HEBP1: variants seen among roughly 807,000 people sequenced by gnomAD.
The protein encoded by HEBP1 is heme-binding protein 1.
In HEBP1, 13 loss-of-function variants were observed where a neutral mutation model predicts 20.4. The observed-to-expected ratio is 0.64, with a 90% CI of 0.42 to 1.01. The LOEUF (loss-of-function observed/expected upper bound fraction) is 1.01, where lower values mean the gene tolerates loss of function less well. HEBP1 is among the 50% of genes least tolerant of loss of function. The pLI, the probability that HEBP1 is intolerant of heterozygous loss-of-function variation, is 0.00. For missense variants in HEBP1, 241 were observed against 247.3 expected (o/e 0.97, Z 0.17); for synonymous variants, 92 against 90.7 (o/e 1.01, Z -0.08).
intron 1 of HEBP1, among the ~76,000 whole-genome samples, chr12:12,997,273 T>G (rs1346301751): frequency 6.6e-6 from 1 of 151,278 alleles, no homozygotes; most frequent in African/African-American, 2.4e-5. Flanking sequence ...TCAATAAGAG[T>G]CAAACAGGAA....
Position 13,000,230 on chromosome 12 carries a change from C to CAGGGCGGCAGGGCGGA in HEBP1, c.-117_-116insTCCGCCCTGCCGCCCT. ...GCAGGGCGGCAGGGCGGCAGGGCGGCAGGGTGGCAGGGCGGCAAGGCGGCG... is the reference window on the plus strand; with the variant it reads ...GCAGGGCGGCAGGGCGGCAGGGCGGCAGGGCGGCAGGGCGGAAGGGTGGCAGGGCGGCAAGGCGGCG... On this transcript the variant is annotated 5_prime_UTR_variant, in exon 1 of 4. Transcript: ENST00000014930. 5.2e-6 allele frequency: 2 copies of CAGGGCGGCAGGGCGGA among 384,066 alleles called. No homozygotes were observed. The highest frequency in any genetic ancestry group is 2.1e-5 in the African/African-American group (1 of 46,814). 23.8% of individuals were successfully genotyped at this position (384,066 alleles called of 1,614,324 possible). A position where few individuals can be genotyped will look rare whatever the true frequency, so the allele number is the denominator to read the frequency against.
At chr12:12,975,837 C>CTTCA (rs1380031658) in intron 3 of HEBP1, among the ~76,000 whole-genome samples, 2 of 152,096 alleles carry the variant, frequency 1.3e-5, no homozygotes, top group African/African-American at 4.8e-5. Context: ...AAGGCCAAGC[C>CTTCA]TTCACCCTTT....
intron 3 of HEBP1, among the ~76,000 whole-genome samples, chr12:12,977,246 A>G (rs1864001940): frequency 6.6e-6 from 1 of 152,218 alleles, no homozygotes. Flanking sequence ...TCAATCTTCG[A>G]AGGCTACTGT....
chr12:12,979,685 A>G (rs1348676422), intron 3 of HEBP1: 1 of 152,236 alleles, frequency 6.6e-6, no homozygotes, highest in Non-Finnish European at 1.5e-5. Context: ...TGAAGTCTAT[A>G]CATTATCTTT....
intron 1 of HEBP1, among the ~76,000 whole-genome samples, chr12:12,992,533 A>C (rs985797553): frequency 6.6e-6 from 1 of 152,134 alleles, no homozygotes; most frequent in African/African-American, 2.4e-5. Context: ...CCTGAGTGCC[A>C]AGTTTGTACT....
intron 3 of HEBP1, among the ~76,000 whole-genome samples, chr12:12,982,303 T>A (rs531948277): frequency 6.6e-6 from 1 of 152,094 alleles, no homozygotes; most frequent in Non-Finnish European, 1.5e-5. Flanking sequence ...AAGGACAGGG[T>A]GCTATTTTCA....
chr12:12,994,105 C>T (rs1864263152), intron 1 of HEBP1, among the ~76,000 whole-genome samples: 1 of 152,172 alleles, frequency 6.6e-6, no homozygotes. Flanking sequence ...GAGTATTACA[C>T]AAATTATTGT....
chr12:12,975,172 G>A lies in HEBP1; in HGVS notation c.*136C>T. 6.8e-6 allele frequency: 5 copies of A among 734,820 alleles called. No homozygotes were observed. Among genetic ancestry groups the A allele is most frequent in the Non-Finnish European group, 1.1e-5 (5 of 437,842 alleles). 45.5% of individuals were successfully genotyped at this position (734,820 alleles called of 1,614,324 possible). On this transcript the variant is annotated 3_prime_UTR_variant, in exon 4 of 4. Transcript: ENST00000014930. ...TGGAACATGCTTTTTTCAGAAAATT[G>A]GCAGTAACTGACTTTGAAGGAAAGT...
rs1171653946 is a variant in HEBP1, at chr12:12,975,536, G to A, written c.399-57C>T. 14 of 1,476,154 alleles carry A rather than the reference G, an allele frequency of 9.5e-6. No individual in the cohort carries two copies. The East Asian group carries it at 1.2e-4, about 13-fold the overall frequency. The allele number at this position is 1,476,154 out of a possible 1,614,324, so 91.4% of individuals were successfully genotyped here. A position where few individuals can be genotyped will look rare whatever the true frequency, so the allele number is the denominator to read the frequency against. On this transcript the variant is annotated intron_variant, in intron 3 of 3. Transcript: ENST00000014930. The stretch of plus-strand genomic sequence containing the variant: ...AAGGACATGACCTCTGAGAGAGGGG[G>A]GATCTTTAGAAAAAAGTCACTCACC...
At chr12:12,992,733 T>C (rs1295674087) in intron 1 of HEBP1, among the ~76,000 whole-genome samples, 1 of 152,194 alleles carries the variant, frequency 6.6e-6, no homozygotes, top group Non-Finnish European at 1.5e-5. Context: ...GGTGTTTTGC[T>C]CTTTCTGTTG....
At chr12:12,999,832 C>T (rs772922309) in intron 1 of HEBP1, among the ~76,000 whole-genome samples, 2 of 152,274 alleles carry the variant, frequency 1.3e-5, no homozygotes, top group Non-Finnish European at 2.9e-5. Flanking sequence ...CCTCCTCTCA[C>T]CACCGGCTGC....
intron 1 of HEBP1, among the ~76,000 whole-genome samples, chr12:12,990,409 C>G (rs1864207971): frequency 6.6e-6 from 1 of 151,132 alleles, no homozygotes. Flanking sequence ...AACTCCTGGG[C>G]TCAAGCAATC....
chr12:12,985,413 G>T (rs1378264826), intron 3 of HEBP1, among the ~76,000 whole-genome samples: 1 of 151,952 alleles, frequency 6.6e-6, no homozygotes, highest in Non-Finnish European at 1.5e-5. Context: ...GTAGGGGATG[G>T]GCACATATGA....
chr12:12,985,688 A>C (rs1405265614), intron 3 of HEBP1: 1 of 152,108 alleles, frequency 6.6e-6, no homozygotes, highest in Non-Finnish European at 1.5e-5. Flanking sequence ...GTAATACATA[A>C]ATAGTATCTT....
rs1461780162 is a variant in HEBP1 at position 12,996,177 on chromosome 12, G to A, written c.78+3860C>T. On this transcript the variant is annotated intron_variant, in intron 1 of 3. Transcript: ENST00000014930. This position sits in a 1 kb window ranked among gnomAD's most constrained non-coding sequence, Gnocchi z 4.1. ...CTCCAATAACCCTGTGAAGAAGTTA[G>A]GGCTTTAATCTTCATTTTCAGATGA... 1.3e-5 allele frequency among the ~76,000 whole-genome samples: 2 copies of A among 152,180 alleles called. No homozygotes were observed. Among genetic ancestry groups the A allele is most frequent in the African/African-American group, 2.4e-5 (1 of 41,446 alleles).
intron 3 of HEBP1, among the ~76,000 whole-genome samples, chr12:12,976,828 A>C (rs773959859): frequency 2.6e-5 from 4 of 152,248 alleles, no homozygotes; most frequent in Admixed American, 1.3e-4. Flanking sequence ...AAATGAGAGG[A>C]AACTGGGTTA....
At chr12:12,988,554 T>C (rs928802910) in intron 2 of HEBP1, among the ~76,000 whole-genome samples, 30 of 152,346 alleles carry the variant, frequency 2.0e-4, no homozygotes, top group African/African-American at 6.3e-4. Context: ...TTGAGAAATA[T>C]CCTAAAAATT....
In HEBP1 at chr12:13,000,247, AAGGCGGCG is replaced by A. The variant is rs1864340171; in HGVS notation, c.-141_-134del. ...CAGGGCGGCAGGGTGGCAGGGCGGCAAGGCGGCGGGACGGCGAGGCGGCGAGGCGAGAG... is the reference window on the plus strand; with the variant it reads ...CAGGGCGGCAGGGTGGCAGGGCGGCAGGACGGCGAGGCGGCGAGGCGAGAG... On this transcript the variant is annotated 5_prime_UTR_variant, in exon 1 of 4. Coordinates refer to ENST00000014930, the MANE Select transcript of HEBP1 (RefSeq NM_015987.5). The A allele has an allele frequency of 2.7e-6, 1 of 366,170 alleles. No individual in the cohort carries two copies. The highest frequency in any genetic ancestry group is 4.4e-5 in the East Asian group (1 of 22,606). The allele number at this position is 366,170 out of a possible 1,614,324, so 22.7% of individuals were successfully genotyped here.
In HEBP1 at chr12:12,986,434, T is replaced by C. The variant is rs1864153627; in HGVS notation, c.398+718A>G. Reference sequence around the variant, plus strand: ...CTCCTGAGCGGAGCCAAACCACCTATGATTACTTCTGGTGAAGATCCTGGT... The same window carrying C: ...CTCCTGAGCGGAGCCAAACCACCTACGATTACTTCTGGTGAAGATCCTGGT... On this transcript the variant is annotated intron_variant, in intron 3 of 3. Coordinates refer to ENST00000014930, the MANE Select transcript of HEBP1 (RefSeq NM_015987.5). This position sits in a 1 kb window ranked among gnomAD's most constrained non-coding sequence, Gnocchi z 4.3. The C allele has an allele frequency of 6.6e-6, 1 of 152,280 alleles. No homozygotes were observed. Among genetic ancestry groups the C allele is most frequent in the Admixed American group, 6.5e-5 (1 of 15,290 alleles). 9.4% of individuals were successfully genotyped at this position (152,280 alleles called of 1,614,324 possible).
Sources: allele counts gnomAD v4.1 joint callset (sites outside exome capture counted in the v4.1 genomes callset), GRCh38; gene constraint gnomAD v4.1.1; non-coding constraint Gnocchi (gnomAD v3.1); transcripts MANE v1.5; gene names NCBI Gene and HGNC (gene_info 2026-07-23, HGNC 2026-07-21).